Variants in LYPD6 observed in about 807,000 individuals in gnomAD.
LYPD6 encodes LY6/PLAUR domain containing 6.
A neutral mutation model predicts 22.7 loss-of-function variants in LYPD6; 15 were observed. That is an observed-to-expected ratio of 0.66 (90% CI 0.44 to 1.02). The LOEUF is 1.02. Ranked by LOEUF, LYPD6 falls within the 50% of genes least tolerant of loss-of-function variation. LYPD6 has a pLI of 0.00. For synonymous variants in LYPD6, 72 were observed against 77.5 expected (o/e 0.93, Z 0.37); for missense variants, 189 against 208.4 (o/e 0.91, Z 0.57).
intron 1 of LYPD6, among the ~76,000 whole-genome samples, chr2:149,370,222 T>C (rs1442688044): frequency 2.0e-5 from 3 of 152,190 alleles, no homozygotes; most frequent in African/African-American, 4.8e-5. Flanking sequence ...GTATTACATA[T>C]GCCAGGGGAT....
intron 1 of LYPD6, among the ~76,000 whole-genome samples, chr2:149,397,480 G>C (rs1682452370): frequency 6.6e-6 from 1 of 152,150 alleles, no homozygotes; most frequent in South Asian, 2.1e-4. Flanking sequence ...CACATTCTAT[G>C]AGGTGGAAGA....
chr2:149,465,132 C>T (rs933187913), intron 3 of LYPD6, among the ~76,000 whole-genome samples: 2 of 152,102 alleles, frequency 1.3e-5, no homozygotes, highest in Admixed American at 6.6e-5. Flanking sequence ...GGGAGAATAT[C>T]GACTTTCATA....
intron 1 of LYPD6, among the ~76,000 whole-genome samples, chr2:149,395,704 G>A (rs1033406028): frequency 1.1e-4 from 16 of 152,108 alleles, no homozygotes; most frequent in African/African-American, 3.6e-4. Context: ...ATAACAGCAG[G>A]TATCCCATCT....
At chr2:149,446,200 AT>A (rs1012300310) in intron 2 of LYPD6, among the ~76,000 whole-genome samples, 32 of 152,324 alleles carry the variant, frequency 2.1e-4, no homozygotes, top group African/African-American at 7.2e-4. Flanking sequence ...CCCCCAAACA[AT>A]TATAATAGTA....
At chr2:149,329,985 A>C (rs1680895526), upstream of LYPD6, 1 of 152,224 alleles carries the variant, frequency 6.6e-6, no homozygotes, top group Non-Finnish European at 1.5e-5. Flanking sequence ...TAGGTCTTTT[A>C]CTGCAAACGT....
At chr2:149,412,281 A>C (rs1682868605) in intron 1 of LYPD6, among the ~76,000 whole-genome samples, 1 of 152,012 alleles carries the variant, frequency 6.6e-6, no homozygotes. Flanking sequence ...GTAGAAATCG[A>C]ATCTAATTGT....
intron 1 of LYPD6, among the ~76,000 whole-genome samples, chr2:149,430,128 C>T (rs1683280541): frequency 6.6e-6 from 1 of 152,164 alleles, no homozygotes; most frequent in South Asian, 2.1e-4. Flanking sequence ...GAGATGAAGT[C>T]TCACTCTGTC....
intron 2 of LYPD6, among the ~76,000 whole-genome samples, chr2:149,444,740 G>T (rs2105158173): frequency 6.6e-6 from 1 of 151,976 alleles, no homozygotes; most frequent in Middle Eastern, 3.4e-3. Context: ...CACCTTTTCA[G>T]GCTCCGCTTC....
intron 1 of LYPD6, among the ~76,000 whole-genome samples, chr2:149,389,133 G>T (rs1042136390): frequency 6.6e-6 from 1 of 152,148 alleles, no homozygotes; most frequent in African/African-American, 2.4e-5. Context: ...GGCTTTTAAA[G>T]ACTTATGAAA....
intron 3 of LYPD6, among the ~76,000 whole-genome samples, chr2:149,466,173 G>A (rs1248680891): frequency 3.3e-5 from 5 of 152,106 alleles, no homozygotes; most frequent in African/African-American, 9.7e-5. Context: ...TGCTCACCCC[G>A]ATAAACCTTT....
chr2:149,346,876 T>C (rs1681266043), intron 1 of LYPD6, among the ~76,000 whole-genome samples: 1 of 152,184 alleles, frequency 6.6e-6, no homozygotes, highest in Admixed American at 6.5e-5. Flanking sequence ...AATTTTTGTA[T>C]TTTTAGTAGA....
In LYPD6 at chr2:149,473,873, A is replaced by G. The variant is rs140736476; in HGVS notation, c.*3023A>G. The stretch of plus-strand genomic sequence containing the variant: ...GCTACCAGACTTTTCAATAAGGTCT[A>G]CAGCTTCCCAAGAGCATGTCTTTGT... On this transcript the variant is annotated 3_prime_UTR_variant, in exon 5 of 5. Coordinates refer to ENST00000334166, the MANE Select transcript of LYPD6 (RefSeq NM_194317.5). 747 of 152,368 alleles carry G rather than the reference A, an allele frequency of 4.9e-3. 9 individuals are homozygous for G. Among genetic ancestry groups the G allele is most frequent in the African/African-American group, 0.017 (721 of 41,592 alleles). 9.4% of individuals were successfully genotyped at this position (152,368 alleles called of 1,614,324 possible). A position where few individuals can be genotyped will look rare whatever the true frequency, so the allele number is the denominator to read the frequency against.
At chr2:149,404,911 A>G (rs1287808216) in intron 1 of LYPD6, among the ~76,000 whole-genome samples, 1 of 152,182 alleles carries the variant, frequency 6.6e-6, no homozygotes, top group Non-Finnish European at 1.5e-5. Context: ...ACATCCCATC[A>G]ATACCTAATT....
chr2:149,468,635 C>G lies in LYPD6; in HGVS notation c.218-10C>G. 1 of 1,610,666 alleles carries G rather than the reference C, an allele frequency of 6.2e-7. No individual in the cohort carries two copies. Among genetic ancestry groups the G allele is most frequent in the Admixed American group, 1.7e-5 (1 of 59,588 alleles). On this transcript the variant is annotated splice_polypyrimidine_tract_variant and intron_variant, in intron 3 of 4. Transcript: ENST00000334166. ...ATTTCCCATCTCAAATATATTTTCT[C>G]TGTTGACAGAGACCAGATACTGCTA...
chr2:149,353,152 G>A (rs1264676362), intron 1 of LYPD6, among the ~76,000 whole-genome samples: 1 of 152,206 alleles, frequency 6.6e-6, no homozygotes, highest in Non-Finnish European at 1.5e-5. Context: ...GGCATGAGCT[G>A]TTGGCATTTT....
At chr2:149,459,740 A>G (rs1681045582) in intron 3 of LYPD6, among the ~76,000 whole-genome samples, 2 of 152,062 alleles carry the variant, frequency 1.3e-5, no homozygotes, top group Admixed American at 1.3e-4. Context: ...CATCTCTACT[A>G]AAAATACAAA....
intron 1 of LYPD6, among the ~76,000 whole-genome samples, chr2:149,410,050 T>A (rs1682818951): frequency 6.6e-6 from 1 of 152,192 alleles, no homozygotes. Flanking sequence ...TGCAAGCTAG[T>A]CCTGCCTTCT....
intron 1 of LYPD6, among the ~76,000 whole-genome samples, chr2:149,350,297 C>A (rs1681335647): frequency 6.6e-6 from 1 of 152,200 alleles, no homozygotes; most frequent in Non-Finnish European, 1.5e-5. Flanking sequence ...AGGACTTTGG[C>A]AGAACTCTCT....
intron 2 of LYPD6, among the ~76,000 whole-genome samples, chr2:149,442,880 G>C (rs1683599412): frequency 6.6e-6 from 1 of 152,096 alleles, no homozygotes; most frequent in East Asian, 1.9e-4. Flanking sequence ...GTCAGTAAAG[G>C]TTCCTACAAG....
Sources: allele counts gnomAD v4.1 joint callset (sites outside exome capture counted in the v4.1 genomes callset), GRCh38; gene constraint gnomAD v4.1.1; transcripts MANE v1.5; gene names NCBI Gene and HGNC (gene_info 2026-07-23, HGNC 2026-07-21).